Variants in POLE observed in about 807,000 individuals in gnomAD.
POLE encodes the protein DNA polymerase epsilon catalytic subunit A.
A neutral mutation model predicts 279.2 loss-of-function variants in POLE; 188 were observed. That is an observed-to-expected ratio of 0.67 (90% CI 0.60 to 0.76). POLE has a LOEUF of 0.76. Among genes scored for constraint, POLE ranks in the 30% least tolerant of loss-of-function variants. The probability of loss-of-function intolerance (pLI) is 0.00; values close to 1 mark genes in which losing one functional copy is unlikely to be tolerated. For synonymous variants in POLE, 1,214 were observed against 1,172.5 expected, an observed-to-expected ratio of 1.04 and a Z score of -0.72; for missense variants, 2,703 against 3,016.7, an observed-to-expected ratio of 0.90 and a Z score of 2.44.
rs758217788 is a variant in POLE, at chr12:132,625,750, C to T, written c.6552G>A (p.Gln2184=). 2 of 1,612,250 alleles carry T rather than the reference C, an allele frequency of 1.2e-6. No homozygotes were observed. The highest frequency in any genetic ancestry group is 8.5e-7 in the Non-Finnish European group (1 of 1,180,010). The change falls in exon 47 of 49, where the codon CAG becomes CAA. Residue 2184 remains glutamine (Q), a synonymous_variant. Transcript: ENST00000320574. ...GCGCCTGACAGTTGGAGCAGAGCCA[C>T]TGAGGCAGGACCGCCCCATCCTAGG... ...SFSEDGAVLP[Q]WLCSNCQAPY...
At position 132,642,571 on chromosome 12, in the gene POLE, G is replaced by A. The variant is rs1282015870; in HGVS notation, c.4887C>T (p.Ala1629=). ...YGVLDWQRHG[A]RRMIRHYLNL... ...TGAGGTAGTGACGGATCATGCGCCG[G>A]GCTCCATGGCGCTGCCAGTCCAGGA... Residue 1629 remains alanine, a synonymous_variant, in exon 37 of 49, where the codon GCC becomes GCT. Transcript: ENST00000320574. 1.9e-6 allele frequency: 3 copies of A among 1,613,372 alleles called. No individual in the cohort carries two copies. The highest frequency in any genetic ancestry group is 4.5e-5 in the East Asian group (2 of 44,892).
rs766094330 is a variant in POLE at position 132,675,786 on chromosome 12, T to C, written c.1055A>G (p.Gln352Arg). ...HLIQRWFEHV[Q>R]ETKPTIMVTY... is the part of the protein sequence containing the mutation. ...GACCATGATGGTGGGTTTGGTCTCC[T>C]GGACGTGTTCAAACCACCTTTGGAT... The change falls in exon 11 of 49, where the codon CAG becomes CGG. Residue 352 changes from glutamine (Q) to arginine (R), a missense_variant. By Grantham distance (43) the Gln-to-Arg change is conservative. Around this residue, in one of 5 missense-constraint regions of POLE, gnomAD observed 1,011 missense variants for 1,111.7 expected, o/e 0.91. Transcript: ENST00000320574. This position sits in a 1 kb window ranked among gnomAD's most constrained non-coding sequence, Gnocchi z 4.3. The C allele has an allele frequency of 1.2e-6, 2 of 1,614,236 alleles. No individual in the cohort carries two copies. Among genetic ancestry groups the C allele is most frequent in the South Asian group, 1.1e-5 (1 of 91,090 alleles).
Position 132,642,520 on chromosome 12 carries a change from G to C in POLE, c.4938C>G (p.Ala1646=). The part of the protein sequence containing the change: ...YLNLDTCLSQ[A]FEMSRYFHIP... ...ACTGTGCTCACCTGCTCATCTCGAA[G>C]GCCTGCGACAGGCAGGTGTCCAGGT... The change falls in exon 37 of 49, where the codon GCC becomes GCG. Residue 1646 remains alanine (A), a synonymous_variant. Transcript: ENST00000320574. 1 of 1,613,736 alleles carries C rather than the reference G, an allele frequency of 6.2e-7. No individual in the cohort carries two copies. Among genetic ancestry groups the C allele is most frequent in the Non-Finnish European group, 8.5e-7 (1 of 1,180,006 alleles).
In POLE at chr12:132,657,468, GC is replaced by G. The variant is rs753433761; in HGVS notation, c.3379-40del. 1.2e-4 allele frequency: 188 copies of G among 1,574,814 alleles called. No homozygotes were observed. Among genetic ancestry groups the G allele is most frequent in the Non-Finnish European group, 1.6e-4 (178 of 1,145,868 alleles). The stretch of plus-strand genomic sequence containing the variant: ...AAACGGGCACAGAGAACAGCAGGTG[GC>G]AGCAGCCAAGAGTGGGGCTCACTTC... On this transcript the variant is annotated intron_variant, in intron 27 of 48. Transcript: ENST00000320574.
intron 32 of POLE, among the ~76,000 whole-genome samples, chr12:132,646,007 C>A (rs988908770): frequency 2.0e-5 from 3 of 152,194 alleles, no homozygotes; most frequent in African/African-American, 7.2e-5. Flanking sequence ...AGAGGAACAG[C>A]TAATTCCACG....
intron 43 of POLE, chr12:132,633,904 G>A: frequency 2.8e-6 from 1 of 357,718 alleles, no homozygotes. Flanking sequence ...AGCAGAGCTA[G>A]GAAACTCCTC....
chr12:132,662,910 G>A (rs555038614), intron 23 of POLE, among the ~76,000 whole-genome samples: 14 of 152,246 alleles, frequency 9.2e-5, no homozygotes, highest in African/African-American at 3.4e-4. Context: ...ACAAATAAAC[G>A]AGAACAAATG....
At position 132,639,018 on chromosome 12, in the gene POLE, C is replaced by T. The variant is rs2042087584; in HGVS notation, c.5552+107G>A. ...GTTATGCTCCACAAACTCAGAAATA[C>T]ACTACTTATCCCAGAGGCACTGGCT... On this transcript the variant is annotated intron_variant, in intron 40 of 48. Coordinates refer to ENST00000320574, the MANE Select transcript of POLE (RefSeq NM_006231.4). This position sits in a 1 kb window ranked among gnomAD's most constrained non-coding sequence, Gnocchi z 4.7. The T allele has an allele frequency of 1.1e-6, 1 of 928,912 alleles. No individual in the cohort carries two copies. Among genetic ancestry groups the T allele is most frequent in the Non-Finnish European group, 1.7e-6 (1 of 587,328 alleles). 57.5% of individuals were successfully genotyped at this position (928,912 alleles called of 1,614,324 possible). A position where few individuals can be genotyped will look rare whatever the true frequency, so the allele number is the denominator to read the frequency against.
chr12:132,647,679 C>G (rs1336954989), intron 32 of POLE, among the ~76,000 whole-genome samples: 1 of 152,126 alleles, frequency 6.6e-6, no homozygotes, highest in African/African-American at 2.4e-5. Context: ...CAGAACCTCC[C>G]TCGAGATGAG....
At chr12:132,685,994 G>A (rs2043252602) in intron 1 of POLE, among the ~76,000 whole-genome samples, 1 of 151,728 alleles carries the variant, frequency 6.6e-6, no homozygotes, top group Admixed American at 6.6e-5. Flanking sequence ...TCCTGCCTCA[G>A]CCTCCTGCGT....
intron 23 of POLE, among the ~76,000 whole-genome samples, chr12:132,663,506 G>A (rs960014341): frequency 6.6e-6 from 1 of 152,256 alleles, no homozygotes; most frequent in African/African-American, 2.4e-5. Flanking sequence ...CACCACCAGA[G>A]GGGGAGGTCG....
intron 31 of POLE, 114 bp from the exon 32 acceptor site, chr12:132,649,186 T>C (rs2042357907): frequency 4.7e-6 from 7 of 1,503,646 alleles, no homozygotes; most frequent in South Asian, 1.2e-5. Flanking sequence ...CTCCCTACGA[T>C]GGGCAGGAAA....
In POLE at chr12:132,632,521, G is replaced by C; in HGVS notation, c.6137-13C>G. On this transcript the variant is annotated splice_polypyrimidine_tract_variant and intron_variant, in intron 44 of 48. Coordinates refer to ENST00000320574, the MANE Select transcript of POLE (RefSeq NM_006231.4). The stretch of plus-strand genomic sequence containing the variant: ...AAGGTGATCATTCCTGGAAGTATAA[G>C]GATGCTGAGGGAGGGGTCTGGGACC... 6.2e-7 allele frequency: 1 copy of C among 1,613,392 alleles called. No homozygotes were observed. Among genetic ancestry groups the C allele is most frequent in the Non-Finnish European group, 8.5e-7 (1 of 1,179,342 alleles).
At chr12:132,681,971 G>C (rs1242809744) in intron 1 of POLE, among the ~76,000 whole-genome samples, 1 of 152,142 alleles carries the variant, frequency 6.6e-6, no homozygotes, top group African/African-American at 2.4e-5. Context: ...GATCACCTGA[G>C]GTCAGGAGTT....
chr12:132,677,531 C>A lies in POLE; in HGVS notation c.720+47G>T, dbSNP rs367756500. 22 of 1,612,712 alleles carry A rather than the reference C, an allele frequency of 1.4e-5. No individual in the cohort carries two copies. The African/African-American group carries it at 2.9e-4, about 22-fold the overall frequency. ...TTCACCCATAATGATCATCTCCTGG[C>A]TGTTAGGAAATTCATGTGAGCAGCG... On this transcript the variant is annotated intron_variant, in intron 7 of 48. Coordinates refer to ENST00000320574, the MANE Select transcript of POLE (RefSeq NM_006231.4).
chr12:132,624,880 C>T (rs1316861187), intron 48 of POLE, 25 bp downstream of exon 48: 2 of 1,605,234 alleles, frequency 1.2e-6, no homozygotes, highest in South Asian at 1.1e-5. Flanking sequence ...CCAGGCTGAG[C>T]CGAGGCAGAT....
chr12:132,676,193 G>A lies in POLE; in HGVS notation c.921C>T (p.Ile307=). Residue 307 remains isoleucine, a synonymous_variant, in exon 10 of 49, where the codon ATC becomes ATT. Transcript: ENST00000320574. ...SYMIDGQGYL[I]TNREIVSEDI... ...CTTCTGAAACAATCTCCCTGTTGGT[G>A]ATGAGGTAGCCCTAGCCAAGTTCAT... 1 of 1,612,322 alleles carries A rather than the reference G, an allele frequency of 6.2e-7. No homozygotes were observed. Among genetic ancestry groups the A allele is most frequent in the South Asian group, 1.1e-5 (1 of 90,950 alleles).
intron 38 of POLE, 134 bp from the exon 39 acceptor site, chr12:132,641,985 G>T: frequency 1.0e-6 from 1 of 966,432 alleles, no homozygotes; most frequent in Non-Finnish European, 1.6e-6. Flanking sequence ...ACACCTGCCA[G>T]GCTATTCAGA....
intron 3 of POLE, 79 bp from the exon 4 acceptor site, chr12:132,680,301 C>T: frequency 7.4e-7 from 1 of 1,342,752 alleles, no homozygotes; most frequent in South Asian, 1.2e-5. Context: ...TTGCTTGCTC[C>T]TATATCCCAT....
Sources: allele counts gnomAD v4.1 joint callset (sites outside exome capture counted in the v4.1 genomes callset), GRCh38; gene constraint gnomAD v4.1.1; regional missense constraint gnomAD v4.1.1; non-coding constraint Gnocchi (gnomAD v3.1); transcripts MANE v1.5; gene names NCBI Gene and HGNC (gene_info 2026-07-23, HGNC 2026-07-21).